The following C12orf42 variants were observed in gnomAD, a reference collection of about 807,000 sequenced individuals.
C12orf42 encodes the protein uncharacterized protein C12orf42.
Under a neutral mutation model 21.6 loss-of-function variants are expected in C12orf42, and 25 were observed. The ratio of observed to expected loss-of-function variants is 1.16; its 90% CI spans 0.84 to 1.62. The LOEUF (loss-of-function observed/expected upper bound fraction) is 1.62. Ranked by LOEUF, C12orf42 falls within the 40% of genes most tolerant of loss-of-function variation. The pLI is 0.00. For synonymous variants in C12orf42, 174 were observed against 175.0 expected, an observed-to-expected ratio of 0.99 and a Z score of 0.05; for missense variants, 483 against 459.3, an observed-to-expected ratio of 1.05 and a Z score of -0.47.
At chr12:103,130,704 G>A in the C12orf42 span, among the ~76,000 whole-genome samples, 18 of 152,174 alleles carry the variant, frequency 1.2e-4, no homozygotes, top group South Asian at 2.1e-4. Flanking sequence ...CAGGAGCTCC[G>A]TAGGTAGAAT....
At chr12:103,556,934 G>GA in the C12orf42 span, among the ~76,000 whole-genome samples, 15,926 of 122,426 alleles carry the variant, frequency 0.13, 960 homozygotes, top group Middle Eastern at 0.19. Context: ...TAGTTATGCA[G>GA]AAAAAAAAAA....
chr12:103,334,959 C>T (rs2041564611), intron 4 of C12orf42, among the ~76,000 whole-genome samples: 1 of 152,186 alleles, frequency 6.6e-6, no homozygotes, highest in African/African-American at 2.4e-5. Context: ...GCTCTGTCCT[C>T]TCCTTTGCTT....
In C12orf42 at chr12:103,277,915, G is replaced by A. The variant is rs114150200; in HGVS notation, n.338-705C>T. Among the ~76,000 whole-genome samples the A allele has an allele frequency of 8.2e-3, 1,249 of 152,184 alleles. 18 individuals carry two copies. Among genetic ancestry groups the A allele is most frequent in the African/African-American group, 0.028 (1,143 of 41,534 alleles). The stretch of plus-strand genomic sequence containing the variant: ...ATTACAGGTGTGAGCCACTGCACCC[G>A]ATGAGCACAATTTTTTAATTCTATT... On this transcript the variant is annotated intron_variant and non_coding_transcript_variant, in intron 4 of 6. Coordinates refer to the C12orf42 transcript ENST00000546526.
At chr12:103,533,186 C>G in the C12orf42 span, among the ~76,000 whole-genome samples, 1 of 152,222 alleles carries the variant, frequency 6.6e-6, no homozygotes, top group Non-Finnish European at 1.5e-5. Flanking sequence ...AATTGCTATA[C>G]TTACCAAATA....
At position 103,302,294 on chromosome 12, in the gene C12orf42, C is replaced by A. The variant is rs371322271; in HGVS notation, c.897G>T (p.Ala299=). Residue 299 remains alanine, a synonymous_variant, in exon 6 of 6, where the codon GCG becomes GCT. Coordinates refer to ENST00000548883, the MANE Select transcript of C12orf42 (RefSeq NM_198521.5). The stretch of plus-strand genomic sequence containing the variant: ...CCAGATTGCCATGGAGGGAGGTGTC[C>A]GCCTGAGGCCTCCTGTCCCGCGGGG... ...PHTPRDRRPQ[A]DTSLHGNLAG... is the part of the protein sequence containing the mutation. The A allele has an allele frequency of 1.7e-5, 28 of 1,613,318 alleles. No homozygotes were observed. In the African/African-American group the frequency reaches 3.6e-4, roughly 21 times the overall value.
the C12orf42 span, among the ~76,000 whole-genome samples, chr12:103,519,605 A>G: frequency 6.7e-3 from 1,025 of 152,258 alleles, 18 homozygotes; most frequent in African/African-American, 0.024. Flanking sequence ...CTGGACTACA[A>G]TAAGCAAACA....
At chr12:103,188,822 A>G in the C12orf42 span, among the ~76,000 whole-genome samples, 3 of 152,204 alleles carry the variant, frequency 2.0e-5, no homozygotes, top group Non-Finnish European at 2.9e-5. Flanking sequence ...AAAAATCTTT[A>G]TGCCTACAAA....
chr12:103,258,798 G>GA (rs1289199632), intron 10 of C12orf42, among the ~76,000 whole-genome samples: 1 of 152,048 alleles, frequency 6.6e-6, no homozygotes, highest in South Asian at 2.1e-4. Context: ...TTTTAATGAA[G>GA]AAAAAATCAA....
intron 4 of C12orf42, among the ~76,000 whole-genome samples, chr12:103,331,063 G>A (rs779520531): frequency 3.9e-5 from 6 of 152,156 alleles, no homozygotes; most frequent in Admixed American, 6.5e-5. Context: ...GATGCTCTTT[G>A]ACTTATTATG....
At chr12:103,258,540 AATAT>A (rs893485632) in intron 10 of C12orf42, among the ~76,000 whole-genome samples, 6 of 151,854 alleles carry the variant, frequency 4.0e-5, no homozygotes, top group Admixed American at 3.3e-4. Context: ...ATGTTTTAAA[AATAT>A]ATAGAGAAAT....
chr12:103,442,665 A>T (rs959762136), intron 2 of C12orf42, among the ~76,000 whole-genome samples: 4 of 152,166 alleles, frequency 2.6e-5, no homozygotes, highest in African/African-American at 4.8e-5. Context: ...GGGCTTTATG[A>T]TCAGAACAAT....
chr12:103,518,020 C>T, the C12orf42 span, among the ~76,000 whole-genome samples: 1 of 152,068 alleles, frequency 6.6e-6, no homozygotes, highest in East Asian at 1.9e-4. Context: ...ATTCAAAAAG[C>T]AGTAGGAATA....
At chr12:103,465,239 A>G (rs989914378) in intron 2 of C12orf42, among the ~76,000 whole-genome samples, 2 of 152,166 alleles carry the variant, frequency 1.3e-5, no homozygotes, top group Non-Finnish European at 2.9e-5. Flanking sequence ...ATGAGCATGG[A>G]ATGTTTTTCC....
At chr12:103,327,868 C>A (rs1393515857) in intron 4 of C12orf42, among the ~76,000 whole-genome samples, 2 of 152,088 alleles carry the variant, frequency 1.3e-5, no homozygotes, top group East Asian at 1.9e-4. Flanking sequence ...AAGAACAGAC[C>A]TCCTCTGTAT....
At chr12:103,238,158 A>G (rs1339959988) in intron 10 of C12orf42, among the ~76,000 whole-genome samples, 1 of 152,084 alleles carries the variant, frequency 6.6e-6, no homozygotes, top group Non-Finnish European at 1.5e-5. Flanking sequence ...TAGAGTAGGA[A>G]GGGACATGGG....
At chr12:103,242,406 G>A (rs1184652570) in intron 10 of C12orf42, among the ~76,000 whole-genome samples, 1 of 152,140 alleles carries the variant, frequency 6.6e-6, no homozygotes, top group East Asian at 1.9e-4. Flanking sequence ...TTTCTGCACT[G>A]GTAAGACCAC....
chr12:103,252,652 T>C (rs1413572632), intron 10 of C12orf42, among the ~76,000 whole-genome samples: 1 of 152,202 alleles, frequency 6.6e-6, no homozygotes, highest in Non-Finnish European at 1.5e-5. Flanking sequence ...TTTGTTTTTT[T>C]CTTGTAAATT....
chr12:103,144,211 G>T, the C12orf42 span, among the ~76,000 whole-genome samples: 2 of 152,000 alleles, frequency 1.3e-5, no homozygotes, highest in African/African-American at 4.8e-5. Context: ...AGTTACTTTG[G>T]CTTCATTCTG....
intron 4 of C12orf42, among the ~76,000 whole-genome samples, chr12:103,310,233 C>T (rs933608326): frequency 5.9e-5 from 9 of 151,912 alleles, no homozygotes; most frequent in African/African-American, 9.7e-5. Context: ...AAGTGTGTGG[C>T]ACCTCCTCCC....
Sources: allele counts gnomAD v4.1 joint callset (sites outside exome capture counted in the v4.1 genomes callset), GRCh38; gene constraint gnomAD v4.1.1; transcripts MANE v1.5; gene names NCBI Gene and HGNC (gene_info 2026-07-23, HGNC 2026-07-21).